RANBP2: variants seen among roughly 807,000 people sequenced by gnomAD.
RANBP2 encodes the protein E3 SUMO-protein ligase RanBP2.
In RANBP2, 57 loss-of-function variants were observed where a neutral mutation model predicts 303.6. The ratio of observed to expected loss-of-function variants is 0.19; its 90% CI spans 0.15 to 0.23. RANBP2 has a LOEUF of 0.23. Among genes scored for constraint, RANBP2 ranks in the 10% least tolerant of loss-of-function variants. RANBP2 has a pLI of 1.00. For synonymous variants in RANBP2, 1,167 were observed against 1,301.5 expected (o/e 0.90, Z 2.23); for missense variants, 3,138 against 3,780.8 (o/e 0.83, Z 4.46).
the RANBP2 span, among the ~76,000 whole-genome samples, chr2:109,269,648 G>A: frequency 7.2e-5 from 11 of 152,318 alleles, no homozygotes; most frequent in African/African-American, 2.6e-4. Context: ...GGACATGGTG[G>A]CGTGTGCCTA....
chr2:109,461,723 A>G, the RANBP2 span, among the ~76,000 whole-genome samples: 1 of 152,318 alleles, frequency 6.6e-6, no homozygotes, highest in South Asian at 2.1e-4. Flanking sequence ...CCTGTCTGCC[A>G]CAATAGTGCC....
chr2:109,227,717 A>C, the RANBP2 span, among the ~76,000 whole-genome samples: 11 of 152,324 alleles, frequency 7.2e-5, no homozygotes, highest in African/African-American at 2.4e-4. Flanking sequence ...CTTCTCTGCA[A>C]GTGCCAGAAT....
chr2:109,448,720 T>C, the RANBP2 span, among the ~76,000 whole-genome samples: 6 of 152,266 alleles, frequency 3.9e-5, no homozygotes, highest in South Asian at 1.2e-3. Context: ...GTAGTAATAA[T>C]AGAAATAAAG....
At chr2:109,138,200 A>T in the RANBP2 span, among the ~76,000 whole-genome samples, 115,358 of 152,044 alleles carry the variant, frequency 0.76, 45,752 homozygotes, top group Non-Finnish European at 0.89. Context: ...CTAATTTTTT[A>T]ATATTTTTAG....
chr2:109,638,825 G>A, the RANBP2 span, among the ~76,000 whole-genome samples: 1 of 152,128 alleles, frequency 6.6e-6, no homozygotes, highest in Non-Finnish European at 1.5e-5. Flanking sequence ...TAAATGCCTA[G>A]GAAATTGCAT....
At chr2:108,906,206 G>A in the RANBP2 span, 21 of 1,232,710 alleles carry the variant, frequency 1.7e-5, no homozygotes, top group East Asian at 7.0e-5. Flanking sequence ...CTGGATGGGC[G>A]GCTTCCCTCA....
chr2:109,086,414 T>C, the RANBP2 span, among the ~76,000 whole-genome samples: 1 of 152,234 alleles, frequency 6.6e-6, no homozygotes, highest in Non-Finnish European at 1.5e-5. Flanking sequence ...TATGATCTCA[T>C]GTAATTCTCC....
At chr2:109,366,132 C>A in the RANBP2 span, among the ~76,000 whole-genome samples, 1 of 152,236 alleles carries the variant, frequency 6.6e-6, no homozygotes, top group Admixed American at 6.5e-5. Flanking sequence ...GTTATCCATT[C>A]TTTAAATTTT....
the RANBP2 span, among the ~76,000 whole-genome samples, chr2:109,052,918 A>T: frequency 6.6e-6 from 1 of 152,230 alleles, no homozygotes; most frequent in Non-Finnish European, 1.5e-5. Flanking sequence ...ATTCCCTAAG[A>T]CATTTCTCTA....
At chr2:108,973,413 T>A in the RANBP2 span, among the ~76,000 whole-genome samples, 3 of 152,226 alleles carry the variant, frequency 2.0e-5, no homozygotes, top group East Asian at 5.8e-4. Flanking sequence ...CCCTGAGACC[T>A]GGGAGGTCTG....
chr2:109,201,192 G>A, the RANBP2 span, among the ~76,000 whole-genome samples: 1,347 of 152,320 alleles, frequency 8.8e-3, 17 homozygotes, highest in African/African-American at 0.031. Context: ...AAGATGCACG[G>A]TCCTGAAATG....
chr2:109,248,872 TTCCTTTCCTG>T, the RANBP2 span, among the ~76,000 whole-genome samples: 2 of 120,378 alleles, frequency 1.7e-5, no homozygotes, highest in South Asian at 2.8e-4. Flanking sequence ...CCTTTTTCCT[TTCCTTTCCTG>T]TCCTTTCCTG....
chr2:109,055,640 T>G, the RANBP2 span, among the ~76,000 whole-genome samples: 4 of 152,022 alleles, frequency 2.6e-5, no homozygotes, highest in Non-Finnish European at 5.9e-5. Flanking sequence ...TGCCTCGACC[T>G]CCCAAAGTGC....
At chr2:109,489,128 G>C in the RANBP2 span, among the ~76,000 whole-genome samples, 2 of 152,230 alleles carry the variant, frequency 1.3e-5, no homozygotes, top group East Asian at 3.9e-4. Context: ...CACTTGCCCA[G>C]GGCACACCTT....
the RANBP2 span, among the ~76,000 whole-genome samples, chr2:109,022,053 C>T: frequency 1.3e-5 from 2 of 152,224 alleles, no homozygotes; most frequent in African/African-American, 4.8e-5. Context: ...AAACGTGCCT[C>T]AGAGCCGTGT....
the RANBP2 span, chr2:109,545,028 C>T: frequency 1.0e-6 from 1 of 985,394 alleles, no homozygotes; most frequent in East Asian, 1.1e-4. Flanking sequence ...AATTGAAAGC[C>T]ACCAATGGGC....
the RANBP2 span, among the ~76,000 whole-genome samples, chr2:108,984,733 C>T: frequency 7.9e-5 from 12 of 152,156 alleles, no homozygotes; most frequent in East Asian, 1.9e-3. Context: ...TAGCTTCTCT[C>T]CCTGCAGCAG....
chr2:109,141,866 G>T, the RANBP2 span, among the ~76,000 whole-genome samples: 50 of 152,236 alleles, frequency 3.3e-4, no homozygotes, highest in African/African-American at 1.2e-3. Flanking sequence ...GGACCCCCCA[G>T]ATGTGCCAGT....
At chr2:109,169,442 T>TCAG in the RANBP2 span, among the ~76,000 whole-genome samples, 1 of 152,040 alleles carries the variant, frequency 6.6e-6, no homozygotes, top group East Asian at 1.9e-4. Context: ...CAGCTCCCTG[T>TCAG]GGTGGAGGAG....
Sources: allele counts gnomAD v4.1 joint callset (sites outside exome capture counted in the v4.1 genomes callset), GRCh38; gene constraint gnomAD v4.1.1; transcripts MANE v1.5; gene names NCBI Gene and HGNC (gene_info 2026-07-23, HGNC 2026-07-21).